Variants in INO80 observed in about 807,000 individuals in gnomAD.
INO80 encodes INO80 complex ATPase subunit.
In INO80, 20 loss-of-function variants were observed where a neutral mutation model predicts 203.4. The ratio of observed to expected loss-of-function variants is 0.10; its 90% CI spans 0.07 to 0.14. The LOEUF is 0.14. Ranked by LOEUF, INO80 falls within the 10% of genes least tolerant of loss-of-function variation. INO80 has a pLI of 1.00. For missense variants in INO80, 1,419 were observed against 1,914.4 expected (o/e 0.74, Z 4.83); for synonymous variants, 726 against 685.2 (o/e 1.06, Z -0.93).
At chr15:41,078,172 A>G (rs58142514) in intron 9 of INO80, among the ~76,000 whole-genome samples, 17,602 of 152,180 alleles carry the variant, frequency 0.12, 3,166 homozygotes, top group African/African-American at 0.38. Flanking sequence ...TGCTGAGATT[A>G]CAGACGTGAG....
intron 29 of INO80, among the ~76,000 whole-genome samples, chr15:40,992,994 T>C (rs1177877454): frequency 6.6e-6 from 1 of 152,182 alleles, no homozygotes; most frequent in Non-Finnish European, 1.5e-5. Flanking sequence ...GGGGTCTTGC[T>C]ATGTGGCCCA....
At chr15:41,002,684 C>G (rs1388240390) in intron 28 of INO80, among the ~76,000 whole-genome samples, 1 of 152,180 alleles carries the variant, frequency 6.6e-6, no homozygotes, top group Non-Finnish European at 1.5e-5. Flanking sequence ...TATGCTAAGA[C>G]AGTAATCTAA....
chr15:41,072,656 A>G (rs1596309914), intron 11 of INO80, among the ~76,000 whole-genome samples: 1 of 150,812 alleles, frequency 6.6e-6, no homozygotes, highest in East Asian at 1.9e-4. Flanking sequence ...AAAAAAAAAA[A>G]AAAAGAATAA....
At chr15:41,093,101 C>T (rs1206271830) in intron 4 of INO80, among the ~76,000 whole-genome samples, 2 of 151,986 alleles carry the variant, frequency 1.3e-5, no homozygotes, top group African/African-American at 4.8e-5. Context: ...GCAGATTAGT[C>T]GCTGCCAAAG....
At chr15:41,020,016 T>C (rs2044266706) in intron 26 of INO80, among the ~76,000 whole-genome samples, 1 of 152,024 alleles carries the variant, frequency 6.6e-6, no homozygotes, top group African/African-American at 2.4e-5. Context: ...GGTCAGGAGA[T>C]CGAGACCATC....
At chr15:40,998,936 T>A (rs1168103025) in intron 28 of INO80, among the ~76,000 whole-genome samples, 1 of 151,312 alleles carries the variant, frequency 6.6e-6, no homozygotes, top group Non-Finnish European at 1.5e-5. Context: ...ATTCCAGGCG[T>A]GAGCCACTGT....
intron 1 of INO80, among the ~76,000 whole-genome samples, chr15:41,115,210 A>T (rs2046013067): frequency 6.6e-6 from 1 of 152,172 alleles, no homozygotes. Flanking sequence ...CAGTGTGTGA[A>T]TCAAAGAATT....
At chr15:41,061,421 A>G (rs1322858197) in intron 14 of INO80, among the ~76,000 whole-genome samples, 1 of 147,600 alleles carries the variant, frequency 6.8e-6, no homozygotes, top group Non-Finnish European at 1.5e-5. Flanking sequence ...CCTGGCCAAC[A>G]TGGTGAAACA....
rs1044213368 is a variant in INO80, at chr15:41,047,443, T to C, written c.2700A>G (p.Glu900=). The change falls in exon 23 of 36, where the codon GAA becomes GAG. Residue 900 remains glutamate (E), a synonymous_variant. Coordinates refer to ENST00000648947, the MANE Select transcript of INO80 (RefSeq NM_017553.3). The part of the protein sequence containing the change: ...FLRFIDISPA[E]MANLMLQGLL... The stretch of plus-strand genomic sequence containing the variant: ...GTCCCTGAAGCATAAGGTTTGCCAT[T>C]TCTGCTGGAGATATATCAATAAAGC... The C allele has an allele frequency of 1.2e-6, 2 of 1,613,628 alleles. No homozygotes were observed. Among genetic ancestry groups the C allele is most frequent in the African/African-American group, 1.3e-5 (1 of 75,032 alleles).
chr15:41,093,591 C>T (rs1035965611), intron 4 of INO80, among the ~76,000 whole-genome samples: 5 of 152,028 alleles, frequency 3.3e-5, no homozygotes, highest in South Asian at 2.1e-4. Flanking sequence ...TGGCCAGGCA[C>T]GGTGGCTCAC....
intron 14 of INO80, among the ~76,000 whole-genome samples, chr15:41,065,721 A>G (rs2045198783): frequency 6.6e-6 from 1 of 152,212 alleles, no homozygotes. Flanking sequence ...TAAAGCACTG[A>G]CACATGCTAT....
intron 7 of INO80, among the ~76,000 whole-genome samples, chr15:41,084,835 G>C (rs919629932): frequency 6.6e-6 from 1 of 152,090 alleles, no homozygotes; most frequent in African/African-American, 2.4e-5. Flanking sequence ...AACCTCCTGG[G>C]CTCTATCTAT....
At position 41,048,527 on chromosome 15, in the gene INO80, T is replaced by C. The variant is rs545921965; in HGVS notation, c.2577-251A>G. 3.3e-5 allele frequency among the ~76,000 whole-genome samples: 5 copies of C among 152,306 alleles called. No individual in the cohort carries two copies. The South Asian group carries it at 1.0e-3, about 32-fold the overall frequency. On this transcript the variant is annotated intron_variant, in intron 21 of 35. Transcript: ENST00000648947. The stretch of plus-strand genomic sequence containing the variant: ...TTATTTCAGAGAATCACAATTCTAG[T>C]GCCCTAAGGTATCATATACCATACT...
At chr15:40,980,669 C>G (rs1294012486) in intron 35 of INO80, among the ~76,000 whole-genome samples, 1 of 152,160 alleles carries the variant, frequency 6.6e-6, no homozygotes, top group African/African-American at 2.4e-5. Flanking sequence ...CCAACCCTCT[C>G]TATACTACTT....
At chr15:41,083,937 T>C (rs2045522367) in intron 7 of INO80, among the ~76,000 whole-genome samples, 1 of 152,142 alleles carries the variant, frequency 6.6e-6, no homozygotes, top group Non-Finnish European at 1.5e-5. Flanking sequence ...AGAGGTTTTG[T>C]AGCGTGTTCT....
At chr15:41,111,963 G>A (rs1346924109) in intron 1 of INO80, among the ~76,000 whole-genome samples, 1 of 152,136 alleles carries the variant, frequency 6.6e-6, no homozygotes, top group Non-Finnish European at 1.5e-5. Flanking sequence ...GGAGTGCAGT[G>A]GCACAATCAG....
rs1893746740 is a variant in INO80 at position 40,979,790 on chromosome 15, T to C, written c.*433A>G. ...GGTATACAATCTCCCTTACTAGCCC[T>C]ATGAGAAATCACACTCTTAAGAGAA... is the stretch of plus-strand genomic sequence containing the variant. On this transcript the variant is annotated 3_prime_UTR_variant, in exon 36 of 36. Transcript: ENST00000648947. 2 of 204,906 alleles carry C rather than the reference T, an allele frequency of 9.8e-6. No homozygotes were observed. The highest frequency in any genetic ancestry group is 1.7e-4 in the South Asian group (2 of 11,472). The allele number at this position is 204,906 out of a possible 1,614,324, so 12.7% of individuals were successfully genotyped here.
At position 41,027,660 on chromosome 15, in the gene INO80, G is replaced by A; in HGVS notation, c.2984C>T (p.Thr995Ile). 1 of 1,613,874 alleles carries A rather than the reference G, an allele frequency of 6.2e-7. No homozygotes were observed. Among genetic ancestry groups the A allele is most frequent in the Non-Finnish European group, 8.5e-7 (1 of 1,179,860 alleles). ...DQVVHQRRSA[T>I]SSLRRCLLTE... ...GAGCAGGCAGCGACGCAGCGAGGAG[G>A]TAGCTGATCTCCGCTGATGGACAAC... Residue 995 changes from threonine (T) to isoleucine (I), a missense_variant, in exon 25 of 36, where the codon ACC (threonine) becomes ATC (isoleucine). By Grantham distance (89) the Thr-to-Ile change is moderately conservative. Around this residue, in one of 9 missense-constraint regions of INO80, gnomAD observed 302 missense variants for 345.4 expected, o/e 0.87. Coordinates refer to ENST00000648947, the MANE Select transcript of INO80 (RefSeq NM_017553.3).
intron 14 of INO80, among the ~76,000 whole-genome samples, chr15:41,063,489 T>G (rs2045151568): frequency 6.6e-6 from 1 of 151,748 alleles, no homozygotes; most frequent in Admixed American, 6.6e-5. Context: ...AAATACACCT[T>G]AAGGTCGGGC....
Sources: allele counts gnomAD v4.1 joint callset (sites outside exome capture counted in the v4.1 genomes callset), GRCh38; gene constraint gnomAD v4.1.1; regional missense constraint gnomAD v4.1.1; transcripts MANE v1.5; gene names NCBI Gene and HGNC (gene_info 2026-07-23, HGNC 2026-07-21).